PPA2: variants seen among roughly 807,000 people sequenced by gnomAD.
PPA2 encodes the protein inorganic pyrophosphatase 2.
A neutral mutation model predicts 49.5 loss-of-function variants in PPA2; 48 were observed. That is an observed-to-expected ratio of 0.97 (90% CI 0.77 to 1.23). The LOEUF is 1.23. Ranked by LOEUF, PPA2 falls within the 50% of genes most tolerant of loss-of-function variation. PPA2 has a pLI of 0.00. For missense variants in PPA2, 429 were observed against 410.1 expected (o/e 1.05, Z -0.40); for synonymous variants, 131 against 139.9 (o/e 0.94, Z 0.45).
chr4:105,450,125 A>G (rs1722603601), intron 3 of PPA2, among the ~76,000 whole-genome samples: 1 of 152,258 alleles, frequency 6.6e-6, no homozygotes, highest in Admixed American at 6.5e-5. Flanking sequence ...AATTCCCTAC[A>G]GTTTGCCTTA....
rs768416471 is a variant in PPA2, at chr4:105,370,868, T to A, written c.945A>T (p.Ser315=). ...EEARSLVESV[S]SSPNKESNEE... is the part of the protein sequence containing the mutation. Reference sequence around the variant, plus strand: ...CATTACTTTCTTTATTTGGTGAAGATGATACCTGGAAATAAAAACAGAGAA... The same window carrying A: ...CATTACTTTCTTTATTTGGTGAAGAAGATACCTGGAAATAAAAACAGAGAA... Residue 315 remains serine (S), a synonymous_variant, in exon 11 of 12, where the codon TCA becomes TCT. Transcript: ENST00000341695. The A allele has an allele frequency of 1.8e-5, 26 of 1,473,804 alleles. No homozygotes were observed. The Admixed American group carries it at 5.6e-4, about 32-fold the overall frequency. 91.3% of individuals were successfully genotyped at this position (1,473,804 alleles called of 1,614,324 possible).
chr4:105,404,697 T>A (rs17257590), intron 7 of PPA2, among the ~76,000 whole-genome samples: 9,630 of 152,212 alleles, frequency 0.063, 436 homozygotes, highest in South Asian at 0.091. Context: ...TCAATCATTA[T>A]CTCTCCAATT....
chr4:105,435,378 A>G (rs561642716), intron 6 of PPA2, among the ~76,000 whole-genome samples: 1 of 152,334 alleles, frequency 6.6e-6, no homozygotes, highest in Admixed American at 6.5e-5. Flanking sequence ...TTTCACCCAG[A>G]TACAAGAAAT....
At chr4:105,431,138 TG>T (rs1245461270) in intron 6 of PPA2, among the ~76,000 whole-genome samples, 1 of 152,116 alleles carries the variant, frequency 6.6e-6, no homozygotes, top group East Asian at 1.9e-4. Context: ...CATTTGGGGG[TG>T]ATAAATATGT....
intron 7 of PPA2, among the ~76,000 whole-genome samples, chr4:105,415,988 T>TTCTGTCTTAACTGAATAAATA (rs1722988102): frequency 6.6e-6 from 1 of 152,224 alleles, no homozygotes; most frequent in Non-Finnish European, 1.5e-5. Context: ...TAAGACCTTC[T>TTCTGTCTTAACTGAATAAATA]TCTAACTGAA....
At position 105,461,684 on chromosome 4, in the gene PPA2, T is replaced by G. The variant is rs180723494; in HGVS notation, c.158-4939A>C. Among the ~76,000 whole-genome samples the G allele has an allele frequency of 8.5e-5, 13 of 152,306 alleles. No individual in the cohort carries two copies. In the South Asian group the frequency reaches 2.3e-3, roughly 27 times the overall value. On this transcript the variant is annotated intron_variant, in intron 1 of 11. Transcript: ENST00000341695. ...TCAGTCAACTGAGGGGCTCAGAATT[T>G]TAGTTTATTTCTCAACAGTCACTCA...
chr4:105,458,603 C>T (rs905790340), intron 1 of PPA2, among the ~76,000 whole-genome samples: 3 of 151,904 alleles, frequency 2.0e-5, no homozygotes, highest in African/African-American at 7.3e-5. Flanking sequence ...GGGAGGATCA[C>T]CTGAGGTCAG....
chr4:105,376,997 A>G (rs1448654133), intron 10 of PPA2, among the ~76,000 whole-genome samples: 1 of 152,210 alleles, frequency 6.6e-6, no homozygotes, highest in Non-Finnish European at 1.5e-5. Context: ...TGCTTAAACA[A>G]AGCACATGGG....
intron 5 of PPA2, among the ~76,000 whole-genome samples, chr4:105,438,533 T>C (rs1164156961): frequency 6.6e-6 from 1 of 152,216 alleles, no homozygotes; most frequent in Non-Finnish European, 1.5e-5. Context: ...ACCTATTTTG[T>C]CTTATTCATT....
chr4:105,471,405 G>T (rs1358614378), intron 1 of PPA2, among the ~76,000 whole-genome samples: 2 of 151,964 alleles, frequency 1.3e-5, no homozygotes, highest in Non-Finnish European at 2.9e-5. Flanking sequence ...TGATTTTACT[G>T]AATGACAGTA....
Position 105,369,647 on chromosome 4 carries a change from G to A in PPA2, c.*78C>T. On this transcript the variant is annotated 3_prime_UTR_variant, in exon 12 of 12. Transcript: ENST00000341695. ...AAGTTTTAACAGGAAGTCAGTAAAT[G>A]CTCATAGACCCCCTTGTCTCTAGCA... 13 of 1,387,850 alleles carry A rather than the reference G, an allele frequency of 9.4e-6. No homozygotes were observed. The highest frequency in any genetic ancestry group is 1.3e-5 in the Non-Finnish European group (13 of 977,874). 86.0% of individuals were successfully genotyped at this position (1,387,850 alleles called of 1,614,324 possible). A position where few individuals can be genotyped will look rare whatever the true frequency, so the allele number is the denominator to read the frequency against.
chr4:105,446,132 A>T (rs1039838339), intron 5 of PPA2: 2 of 324,942 alleles, frequency 6.2e-6, no homozygotes, highest in Non-Finnish European at 1.1e-5. Flanking sequence ...AGAAAAAAAA[A>T]AATGTATTCA....
rs115710906 is a variant in PPA2, at chr4:105,425,894, C to T, written c.529-1572G>A. On this transcript the variant is annotated intron_variant, in intron 6 of 11. Transcript: ENST00000341695. ...GGGAAAAAAAGATTACATAAGGGTA[C>T]GATGATAAGAATGACAGCTGATTTC... Among the ~76,000 whole-genome samples the T allele has an allele frequency of 9.4e-3, 1,425 of 151,948 alleles. 20 individuals are homozygous for T. Among genetic ancestry groups the T allele is most frequent in the African/African-American group, 0.032 (1,312 of 41,438 alleles).
chr4:105,405,572 C>G, intron 7 of PPA2: 1 of 963,944 alleles, frequency 1.0e-6, no homozygotes, highest in South Asian at 4.6e-5. Context: ...GAGGTTTTCA[C>G]TGAGTTCAAG....
At chr4:105,420,544 G>C (rs554220390) in intron 7 of PPA2, among the ~76,000 whole-genome samples, 1 of 152,088 alleles carries the variant, frequency 6.6e-6, no homozygotes, top group Admixed American at 6.5e-5. Context: ...CCTCTCCTAA[G>C]TGTTTTTAAA....
intron 10 of PPA2, among the ~76,000 whole-genome samples, chr4:105,386,148 T>C (rs112827745): frequency 0.021 from 3,166 of 152,208 alleles, 49 homozygotes; most frequent in Middle Eastern, 0.061. Flanking sequence ...CCCAAAATGC[T>C]GGGATTACGG....
In PPA2 at chr4:105,424,264, T is replaced by C. The variant is rs2110270001; in HGVS notation, c.587A>G (p.Asp196Gly). 6.2e-7 allele frequency: 1 copy of C among 1,607,832 alleles called. No individual in the cohort carries two copies. The highest frequency in any genetic ancestry group is 1.1e-5 in the South Asian group (1 of 89,358). The stretch of plus-strand genomic sequence containing the variant: ...TAATTTCCAATCTGTTTCACCTTCA[T>C]CAATAAGAGCCAAAATTCCAAGGAT... ...VKILGILALIDEGETDWKLIA... is the reference protein window; with the variant it reads ...VKILGILALIGEGETDWKLIA... The change falls in exon 7 of 12, where the codon GAT becomes GGT. Residue 196 changes from aspartate to glycine, a missense_variant. Transcript: ENST00000341695.
chr4:105,421,090 T>C (rs1560623028), intron 7 of PPA2, among the ~76,000 whole-genome samples: 1 of 152,208 alleles, frequency 6.6e-6, no homozygotes, highest in Non-Finnish European at 1.5e-5. Context: ...CTCTAAGTTC[T>C]ACACTGGGCA....
intron 7 of PPA2, among the ~76,000 whole-genome samples, chr4:105,416,047 C>A (rs953026598): frequency 1.3e-5 from 2 of 152,106 alleles, no homozygotes; most frequent in Non-Finnish European, 2.9e-5. Context: ...ACTAGAATGT[C>A]CAACCAGCAG....
Sources: allele counts gnomAD v4.1 joint callset (sites outside exome capture counted in the v4.1 genomes callset), GRCh38; gene constraint gnomAD v4.1.1; transcripts MANE v1.5; gene names NCBI Gene and HGNC (gene_info 2026-07-23, HGNC 2026-07-21).